ASMT: variants seen among roughly 807,000 people sequenced by gnomAD.
The protein encoded by ASMT is acetylserotonin N-methyltransferase.
Under a neutral mutation model 41.3 loss-of-function variants are expected in ASMT, and 53 were observed. The ratio of observed to expected loss-of-function variants is 1.28; its 90% CI spans 1.03 to 1.61. The LOEUF (loss-of-function observed/expected upper bound fraction) is 1.61, where lower values mean the gene tolerates loss of function less well. Ranked by LOEUF, ASMT falls within the 40% of genes most tolerant of loss-of-function variation. The probability of loss-of-function intolerance (pLI) is 0.00; values close to 1 mark genes in which losing one functional copy is unlikely to be tolerated. For missense variants in ASMT, 531 were observed against 441.3 expected (o/e 1.20, Z -1.82); for synonymous variants, 231 against 184.8 (o/e 1.25, Z -2.03).
chrX:1,615,394 A>C, intron 1 of ASMT, 126 bp downstream of exon 1: 1 of 980,670 alleles, frequency 1.0e-6, no homozygotes, highest in Non-Finnish European at 1.6e-6. Context: ...TCCACCGTGA[A>C]AGACGTACAC....
intron 5 of ASMT, among the ~76,000 whole-genome samples, chrX:1,631,417 C>T (rs7892427): frequency 0.41 from 61,620 of 151,134 alleles, 12,834 homozygotes; most frequent in Non-Finnish European, 0.48. Context: ...TCCTCTACCC[C>T]ATAGGGCTGT....
intron 1 of ASMT, among the ~76,000 whole-genome samples, chrX:1,617,401 G>A (rs184534621): frequency 1.3e-5 from 2 of 151,346 alleles, no homozygotes; most frequent in Admixed American, 1.3e-4. Context: ...ACCCGGAGGA[G>A]GTAGAGGTTG....
intron 3 of ASMT, among the ~76,000 whole-genome samples, chrX:1,626,501 T>C (rs1400715552): frequency 6.6e-6 from 1 of 152,100 alleles, no homozygotes; most frequent in Admixed American, 6.6e-5. Flanking sequence ...CCCAGAGTGT[T>C]AGGATTATAG....
At chrX:1,621,609 C>T (rs868759481) in intron 1 of ASMT, among the ~76,000 whole-genome samples, 1 of 152,152 alleles carries the variant, frequency 6.6e-6, no homozygotes, top group South Asian at 2.1e-4. Context: ...TGAGCTACCA[C>T]GCCTGGCTGA....
chrX:1,634,658 C>CT (rs373013930), intron 7 of ASMT, among the ~76,000 whole-genome samples: 1 of 150,312 alleles, frequency 6.7e-6, no homozygotes, highest in Non-Finnish European at 1.5e-5. Flanking sequence ...AGTTAACCCC[C>CT]CCCCTTTTTT....
At chrX:1,622,998 C>T in intron 1 of ASMT, 141 bp from the exon 2 acceptor site, 2 of 589,502 alleles carry the variant, frequency 3.4e-6, no homozygotes, top group South Asian at 2.5e-5. Context: ...GACTCTGTCT[C>T]AAAAAAAAAA....
At chrX:1,627,598 G>A (rs1569375970) in intron 3 of ASMT, 105 bp from the exon 4 acceptor site, 6 of 1,213,550 alleles carry the variant, frequency 4.9e-6, no homozygotes, top group African/African-American at 4.4e-5. Flanking sequence ...TCCAGCCTGG[G>A]CTACAGAGCT....
intron 7 of ASMT, among the ~76,000 whole-genome samples, chrX:1,634,486 A>G (rs1292686333): frequency 6.6e-6 from 1 of 152,146 alleles, no homozygotes; most frequent in Non-Finnish European, 1.5e-5. Flanking sequence ...AGGTGATCCT[A>G]TAGTAAATCC....
chrX:1,634,053 G>T (rs868645991), intron 7 of ASMT, among the ~76,000 whole-genome samples: 1 of 144,306 alleles, frequency 6.9e-6, no homozygotes, highest in African/African-American at 2.8e-5. Flanking sequence ...GATTACAGGC[G>T]TGAGCCACCG....
intron 8 of ASMT, among the ~76,000 whole-genome samples, chrX:1,636,911 CTCT>C (rs1934991093): frequency 8.4e-6 from 1 of 118,462 alleles, no homozygotes; most frequent in Non-Finnish European, 1.9e-5. Flanking sequence ...TGGGCACAGC[CTCT>C]GTGTGTGATG....
chrX:1,642,671 C>G (rs778363236), intron 8 of ASMT, 132 bp from the exon 9 acceptor site: 26 of 809,970 alleles, frequency 3.2e-5, no homozygotes, highest in South Asian at 2.0e-4. Context: ...GTGGGCACAG[C>G]CTCTGAGTGT....
chrX:1,636,382 T>G (rs1934963688), intron 7 of ASMT, 56 bp from the exon 8 acceptor site: 1 of 1,613,754 alleles, frequency 6.2e-7, no homozygotes, highest in Non-Finnish European at 8.5e-7. Context: ...AGAATAGGTT[T>G]AGTCAAATGG....
rs200600593 is a variant in ASMT at position 1,623,151 on chromosome X, G to A, written c.82G>A (p.Ala28Thr). 593 of 1,612,544 alleles carry A rather than the reference G, an allele frequency of 3.7e-4. 5 individuals are homozygous for A. The South Asian group carries it at 6.0e-3, about 16-fold the overall frequency. ...CTCCTGCTCCAAGGTTCTCTTCGCC[G>A]CCTGCGAGCTGGGCGTGTTTGACCT... ...GFMVSQVLFAACELGVFDLLA... is the reference protein window; with the variant it reads ...GFMVSQVLFATCELGVFDLLA... Residue 28 changes from alanine (A) to threonine (T), a missense_variant, in exon 2 of 9, where the codon GCC (alanine) becomes ACC (threonine). Transcript: ENST00000381241.
chrX:1,625,687 G>GC, intron 3 of ASMT, among the ~76,000 whole-genome samples: 1 of 152,130 alleles, frequency 6.6e-6, no homozygotes, highest in African/African-American at 2.4e-5. Context: ...GGACGCAGTA[G>GC]CCCATGCCGG....
rs1934966707 is a variant in ASMT, at chrX:1,636,441, A to G, written c.791A>G (p.Asp264Gly). 1.2e-6 allele frequency: 2 copies of G among 1,613,608 alleles called. No individual in the cohort carries two copies. The highest frequency in any genetic ancestry group is 3.3e-5 in the Admixed American group (2 of 59,966). The change falls in exon 8 of 9, where the codon GAT (aspartate) becomes GGT (glycine). Residue 264 changes from aspartate to glycine, a missense_variant. Coordinates refer to ENST00000381241, the MANE Select transcript of ASMT (RefSeq NM_001171038.2). ...GTGTGCCTGCCCTGTGTTCCAGGGG[A>G]TTTCTTCAAAGACCCTCTTCCGGAA... ...EEEQIDFQEGDFFKDPLPEAD... is the reference protein window; with the variant it reads ...EEEQIDFQEGGFFKDPLPEAD...
chrX:1,615,229 C>A lies in ASMT; in HGVS notation c.30C>A (p.Arg10=). Residue 10 remains arginine, a synonymous_variant, in exon 1 of 9, where the codon CGC becomes CGA. Coordinates refer to ENST00000381241, the MANE Select transcript of ASMT (RefSeq NM_001171038.2). Reference sequence around the variant, plus strand: ...GATCCTCAGAGGACCAGGCCTATCGCCTCCTTAATGACTACGCCAACGGCT... The same window carrying A: ...GATCCTCAGAGGACCAGGCCTATCGACTCCTTAATGACTACGCCAACGGCT... MGSSEDQAY[R]LLNDYANGFM... is the part of the protein sequence containing the mutation. 1 of 1,598,826 alleles carries A rather than the reference C, an allele frequency of 6.3e-7. No homozygotes were observed. The highest frequency in any genetic ancestry group is 2.3e-5 in the East Asian group (1 of 44,364).
intron 1 of ASMT, among the ~76,000 whole-genome samples, chrX:1,615,966 C>G (rs1326835109): frequency 6.6e-6 from 1 of 152,120 alleles, no homozygotes; most frequent in Non-Finnish European, 1.5e-5. Context: ...TAAATAATTA[C>G]ACTGTGCGTT....
rs1488714389 is a variant in ASMT, at chrX:1,636,898, ATGTGGG to A, written c.910+339_910+344del. On this transcript the variant is annotated intron_variant, in intron 8 of 8. Coordinates refer to ENST00000381241, the MANE Select transcript of ASMT (RefSeq NM_001171038.2). Reference sequence around the variant, plus strand: ...CCACCCATCCTGATGGTTCATGAGGATGTGGGCACAGCCTCTGTGTGTGATGGGGAC... The same window carrying A: ...CCACCCATCCTGATGGTTCATGAGGACACAGCCTCTGTGTGTGATGGGGAC... Among the ~76,000 whole-genome samples, 251 of 143,960 alleles carry A rather than the reference ATGTGGG, an allele frequency of 1.7e-3. 3 individuals are homozygous for A. Among genetic ancestry groups the A allele is most frequent in the African/African-American group, 5.3e-3 (209 of 39,350 alleles). The allele number at this position is 143,960 out of a possible 152,430, so 94.4% of individuals were successfully genotyped here.
chrX:1,621,671 T>C (rs1332195455), intron 1 of ASMT, among the ~76,000 whole-genome samples: 9 of 152,000 alleles, frequency 5.9e-5, no homozygotes, highest in African/African-American at 2.2e-4. Flanking sequence ...ACCTGATTAC[T>C]GCTTTATTTT....
Sources: allele counts gnomAD v4.1 joint callset (sites outside exome capture counted in the v4.1 genomes callset), GRCh38; gene constraint gnomAD v4.1.1; transcripts MANE v1.5; gene names NCBI Gene and HGNC (gene_info 2026-07-23, HGNC 2026-07-21).